Variants in KLRG1 observed in about 807,000 individuals in gnomAD.
KLRG1 encodes killer cell lectin like receptor G1.
Under a neutral mutation model 21.8 loss-of-function variants are expected in KLRG1, and 16 were observed. That is an observed-to-expected ratio of 0.73 (90% CI 0.50 to 1.11). KLRG1 has a LOEUF of 1.11. Ranked by LOEUF, KLRG1 falls within the 50% of genes most tolerant of loss-of-function variation. KLRG1 has a pLI of 0.00. For synonymous variants in KLRG1, 69 were observed against 75.9 expected (o/e 0.91, Z 0.47); for missense variants, 173 against 218.3 (o/e 0.79, Z 1.31).
chr12:8,995,308 A>T lies in KLRG1; in HGVS notation c.357+20A>T, dbSNP rs1191879400. 1.3e-6 allele frequency: 2 copies of T among 1,590,450 alleles called. No individual in the cohort carries two copies. Among genetic ancestry groups the T allele is most frequent in the Non-Finnish European group, 8.5e-7 (1 of 1,172,044 alleles). ...GAAATGGTAAATGCAAACATTTAGAAAATGTAGGGTTTTTGTTTTGTTTTT... is the reference window on the plus strand; with the variant it reads ...GAAATGGTAAATGCAAACATTTAGATAATGTAGGGTTTTTGTTTTGTTTTT... On this transcript the variant is annotated intron_variant, in intron 3 of 4. Coordinates refer to ENST00000356986, the MANE Select transcript of KLRG1 (RefSeq NM_005810.4).
At chr12:9,037,319 C>T in the KLRG1 span, 3 of 152,678 alleles carry the variant, frequency 2.0e-5, no homozygotes, top group African/African-American at 7.2e-5. Flanking sequence ...AGGCTCTTCC[C>T]ACAAAGAAGG....
chr12:9,071,183 T>C, the KLRG1 span, among the ~76,000 whole-genome samples: 5 of 152,178 alleles, frequency 3.3e-5, no homozygotes, highest in African/African-American at 1.2e-4. Context: ...CTCTAATCTA[T>C]GCCAGTTATT....
At chr12:9,048,403 A>G in the KLRG1 span, among the ~76,000 whole-genome samples, 1 of 152,180 alleles carries the variant, frequency 6.6e-6, no homozygotes, top group Non-Finnish European at 1.5e-5. Context: ...AACTAGAGAA[A>G]TACAAGATAA....
chr12:9,068,793 G>T, the KLRG1 span: 1 of 1,609,082 alleles, frequency 6.2e-7, no homozygotes, highest in Non-Finnish European at 8.5e-7. Flanking sequence ...ATCTCTTACT[G>T]GGACATCTTG....
the KLRG1 span, chr12:9,072,211 G>T: frequency 1.1e-6 from 1 of 927,454 alleles, no homozygotes; most frequent in Non-Finnish European, 1.6e-6. Context: ...CCCCATCATT[G>T]AGAAATTATA....
the KLRG1 span, chr12:9,036,843 AC>A: frequency 2.3e-6 from 1 of 427,436 alleles, no homozygotes; most frequent in South Asian, 2.0e-5. Flanking sequence ...GTACCAGATG[AC>A]CACTGACAGT....
the KLRG1 span, among the ~76,000 whole-genome samples, chr12:9,068,452 G>A: frequency 6.6e-6 from 1 of 152,080 alleles, no homozygotes; most frequent in South Asian, 2.1e-4. Context: ...GGACTCTTCA[G>A]ATGTTCTACT....
the KLRG1 span, chr12:9,029,013 GTTGT>G: frequency 1.7e-6 from 1 of 597,558 alleles, no homozygotes; most frequent in Middle Eastern, 5.1e-4. Context: ...GCTCTCATTG[GTTGT>G]TTCAAAGCTC....
the KLRG1 span, among the ~76,000 whole-genome samples, chr12:9,024,443 T>C: frequency 6.6e-6 from 1 of 152,224 alleles, no homozygotes; most frequent in Non-Finnish European, 1.5e-5. Context: ...TAGCGTAGTA[T>C]AGTTCTCCAA....
At chr12:8,970,455 T>C (rs1006040796) in intron 1 of KLRG1, 6 of 152,212 alleles carry the variant, frequency 3.9e-5, no homozygotes, top group Non-Finnish European at 5.9e-5. Context: ...TATTCCCCTA[T>C]CCACTGAAAA....
At chr12:9,196,690 G>A in the KLRG1 span, 2 of 1,576,540 alleles carry the variant, frequency 1.3e-6, no homozygotes. Flanking sequence ...GTTAAGCTGA[G>A]AAAAATACCA....
chr12:9,207,317 A>T, the KLRG1 span, among the ~76,000 whole-genome samples: 1 of 152,062 alleles, frequency 6.6e-6, no homozygotes, highest in Non-Finnish European at 1.5e-5. Context: ...TCTCCAGGAC[A>T]CCTCAGTGCC....
chr12:9,093,456 GTTAC>G, the KLRG1 span: 5 of 1,600,040 alleles, frequency 3.1e-6, no homozygotes, highest in Non-Finnish European at 4.3e-6. Context: ...TATGCAGGAA[GTTAC>G]TTACTTTACC....
At chr12:9,146,072 G>T in the KLRG1 span, among the ~76,000 whole-genome samples, 1 of 151,938 alleles carries the variant, frequency 6.6e-6, no homozygotes, top group African/African-American at 2.4e-5. Flanking sequence ...CCTTTTTCAG[G>T]TTGAGAAGGT....
the KLRG1 span, among the ~76,000 whole-genome samples, chr12:9,093,928 A>C: frequency 6.6e-6 from 1 of 152,102 alleles, no homozygotes; most frequent in East Asian, 1.9e-4. Flanking sequence ...ACAAAAAAAA[A>C]CAAGAATAAG....
At chr12:9,012,750 C>T (rs1203389050), downstream of KLRG1, among the ~76,000 whole-genome samples, 1 of 151,992 alleles carries the variant, frequency 6.6e-6, no homozygotes, top group Non-Finnish European at 1.5e-5. Context: ...CATTTCTGGA[C>T]CTGCCCTGAG....
intron 4 of KLRG1, 132 bp downstream of exon 4, chr12:9,009,207 AC>A: frequency 2.3e-6 from 2 of 865,834 alleles, no homozygotes; most frequent in Non-Finnish European, 3.5e-6. Context: ...GAAATAGGGA[AC>A]AAGGAAGGGA....
intron 1 of KLRG1, among the ~76,000 whole-genome samples, chr12:8,972,429 G>A (rs1186742258): frequency 3.3e-5 from 5 of 152,322 alleles, no homozygotes; most frequent in African/African-American, 1.2e-4. Context: ...AAAGTGCTGG[G>A]ATTACAGGCG....
the KLRG1 span, among the ~76,000 whole-genome samples, chr12:9,147,653 A>C: frequency 6.6e-6 from 1 of 151,822 alleles, no homozygotes; most frequent in Non-Finnish European, 1.5e-5. Flanking sequence ...AGGGTTTCCT[A>C]CTCTGTCATC....
Sources: gnomAD v4.1 joint callset for allele counts (sites outside exome capture counted in the v4.1 genomes callset) on GRCh38, gnomAD v4.1.1 for gene constraint, MANE v1.5 for transcripts, NCBI Gene and HGNC (gene_info 2026-07-23, HGNC 2026-07-21) for gene names.